SLIT3: variants seen among roughly 807,000 people sequenced by gnomAD.
SLIT3 encodes slit homolog 3 protein.
A neutral mutation model predicts 184.0 loss-of-function variants in SLIT3; 68 were observed. The observed-to-expected ratio is 0.37, with a 90% CI of 0.30 to 0.45. SLIT3 has a LOEUF of 0.45. Ranked by LOEUF, SLIT3 falls within the 20% of genes least tolerant of loss-of-function variation. SLIT3 has a pLI of 1.00. For missense variants in SLIT3, 1,707 were observed against 2,026.0 expected (o/e 0.84, Z 3.02); for synonymous variants, 831 against 828.6 (o/e 1.00, Z -0.05).
chr5:169,195,006 C>G (rs957716121), intron 3 of SLIT3, among the ~76,000 whole-genome samples: 2 of 152,302 alleles, frequency 1.3e-5, no homozygotes, highest in Non-Finnish European at 2.9e-5. Flanking sequence ...ATACACCCCA[C>G]AGTCCCCCAG....
At chr5:169,277,696 G>T (rs1766859543) in intron 1 of SLIT3, among the ~76,000 whole-genome samples, 1 of 152,108 alleles carries the variant, frequency 6.6e-6, no homozygotes, top group Admixed American at 6.5e-5. Context: ...TTTGGCTATT[G>T]AGAATAATGC....
chr5:168,715,422 G>A (rs1762689922), intron 23 of SLIT3, among the ~76,000 whole-genome samples: 1 of 152,150 alleles, frequency 6.6e-6, no homozygotes, highest in Non-Finnish European at 1.5e-5. Flanking sequence ...TATGGCTCAG[G>A]TCTGGCCAAT....
chr5:168,981,379 C>T (rs763122972), intron 4 of SLIT3, among the ~76,000 whole-genome samples: 8 of 152,060 alleles, frequency 5.3e-5, no homozygotes, highest in Non-Finnish European at 8.8e-5. Context: ...ATGACAGATT[C>T]CCGGGATTGC....
At chr5:168,689,185 C>T (rs748456019) in intron 29 of SLIT3, among the ~76,000 whole-genome samples, 4 of 152,194 alleles carry the variant, frequency 2.6e-5, no homozygotes, top group Non-Finnish European at 4.4e-5. Context: ...TCCTAACAAA[C>T]GCCCATGTGA....
intron 1 of SLIT3, among the ~76,000 whole-genome samples, chr5:169,279,978 C>A (rs964184788): frequency 1.3e-5 from 2 of 152,232 alleles, no homozygotes; most frequent in Non-Finnish European, 2.9e-5. Context: ...TGCAAAAATC[C>A]TTGGCAATCA....
At chr5:169,023,620 C>T (rs558589531) in intron 4 of SLIT3, 1 of 151,560 alleles carries the variant, frequency 6.6e-6, no homozygotes, top group South Asian at 2.1e-4. Flanking sequence ...TTTTTTCCCA[C>T]CACAGCTACC....
intron 1 of SLIT3, among the ~76,000 whole-genome samples, chr5:169,255,397 A>T (rs1371352855): frequency 6.6e-6 from 1 of 152,180 alleles, no homozygotes; most frequent in African/African-American, 2.4e-5. Context: ...AGTGAGATGG[A>T]TGATCCTGAC....
Position 169,085,330 on chromosome 5 carries a change from C to A in SLIT3, c.413+108149G>T, listed in dbSNP as rs1054462908. ...AGCCTGTTGTCTCTGAGGCTGTCAG[C>A]AACCTGGGGTTTCTGCTTTTATGAC... On this transcript the variant is annotated intron_variant, in intron 4 of 35. Transcript: ENST00000519560. Among the ~76,000 whole-genome samples the A allele has an allele frequency of 7.2e-5, 11 of 152,340 alleles. No individual in the cohort carries two copies. In the South Asian group the frequency reaches 2.3e-3, roughly 32 times the overall value.
chr5:168,836,627 A>T (rs913663345), intron 6 of SLIT3, among the ~76,000 whole-genome samples: 1 of 152,118 alleles, frequency 6.6e-6, no homozygotes, highest in African/African-American at 2.4e-5. Flanking sequence ...CAAGTTTGTC[A>T]AGTCTGAATT....
At chr5:168,962,241 A>G (rs2113287614) in intron 4 of SLIT3, among the ~76,000 whole-genome samples, 1 of 151,958 alleles carries the variant, frequency 6.6e-6, no homozygotes, top group East Asian at 1.9e-4. Flanking sequence ...GAGCACAAGC[A>G]TTCTGCCCTC....
At chr5:169,270,861 T>C (rs2113630936) in intron 1 of SLIT3, among the ~76,000 whole-genome samples, 1 of 152,282 alleles carries the variant, frequency 6.6e-6, no homozygotes, top group South Asian at 2.1e-4. Flanking sequence ...TGCCTCTATT[T>C]CCTTATCTGT....
At chr5:169,027,837 A>C (rs560471050) in intron 4 of SLIT3, among the ~76,000 whole-genome samples, 4 of 152,362 alleles carry the variant, frequency 2.6e-5, no homozygotes, top group Admixed American at 2.0e-4. Context: ...CCCCTGAAGC[A>C]TTAGTGGTTC....
chr5:168,920,916 C>T lies in SLIT3; in HGVS notation c.414-37580G>A, dbSNP rs185367975. 2.0e-5 allele frequency among the ~76,000 whole-genome samples: 3 copies of T among 152,284 alleles called. No homozygotes were observed. The East Asian group carries it at 5.8e-4, about 29-fold the overall frequency. On this transcript the variant is annotated intron_variant, in intron 4 of 35. Coordinates refer to ENST00000519560, the MANE Select transcript of SLIT3 (RefSeq NM_003062.4). ...TTGCATAAATACCCACCACACATCGCTCATTCCTTCATTTATATCCTACGG... is the reference window on the plus strand; with the variant it reads ...TTGCATAAATACCCACCACACATCGTTCATTCCTTCATTTATATCCTACGG...
intron 4 of SLIT3, among the ~76,000 whole-genome samples, chr5:169,032,359 T>G (rs1008152133): frequency 2.6e-5 from 4 of 152,240 alleles, no homozygotes; most frequent in Non-Finnish European, 5.9e-5. Context: ...TTGTATTTCA[T>G]AAATCTACCT....
At chr5:169,255,326 C>T (rs1221641276) in intron 1 of SLIT3, among the ~76,000 whole-genome samples, 1 of 152,206 alleles carries the variant, frequency 6.6e-6, no homozygotes, top group African/African-American at 2.4e-5. Flanking sequence ...GAGATGACAG[C>T]TCCATGTGTG....
chr5:169,248,183 G>A (rs1028108835), intron 2 of SLIT3, among the ~76,000 whole-genome samples: 4 of 152,090 alleles, frequency 2.6e-5, no homozygotes, highest in South Asian at 2.1e-4. Context: ...TAGTGACCCC[G>A]TTTTGACTCT....
intron 4 of SLIT3, among the ~76,000 whole-genome samples, chr5:168,930,447 C>T (rs1009662683): frequency 4.6e-5 from 7 of 152,238 alleles, no homozygotes; most frequent in South Asian, 2.1e-4. Context: ...GTTTCCAATC[C>T]GGAGTCTGCC....
At chr5:168,770,667 T>C (rs78449704) in intron 14 of SLIT3, among the ~76,000 whole-genome samples, 37 of 142,286 alleles carry the variant, frequency 2.6e-4, no homozygotes, top group Admixed American at 5.6e-4. Context: ...TTTTTTTTTT[T>C]AAAAAAGGTA....
intron 5 of SLIT3, among the ~76,000 whole-genome samples, chr5:168,853,236 C>T (rs1261020647): frequency 5.9e-5 from 9 of 152,166 alleles, no homozygotes; most frequent in Non-Finnish European, 1.3e-4. Flanking sequence ...CACCAAAAAC[C>T]TACACCAAAG....
Sources: allele counts gnomAD v4.1 joint callset (sites outside exome capture counted in the v4.1 genomes callset), GRCh38; gene constraint gnomAD v4.1.1; transcripts MANE v1.5; gene names NCBI Gene and HGNC (gene_info 2026-07-23, HGNC 2026-07-21).